The following SSBP3 variants were observed in gnomAD, a reference collection of about 807,000 sequenced individuals.
SSBP3 encodes single-stranded DNA-binding protein 3.
Under a neutral mutation model 69.6 loss-of-function variants are expected in SSBP3, and 5 were observed. That is an observed-to-expected ratio of 0.07 (90% CI 0.04 to 0.15). SSBP3 has a LOEUF of 0.15. Among genes scored for constraint, SSBP3 ranks in the 10% least tolerant of loss-of-function variants. SSBP3 has a pLI of 1.00. For synonymous variants in SSBP3, 196 were observed against 193.4 expected (o/e 1.01, Z -0.11); for missense variants, 312 against 534.0 (o/e 0.58, Z 4.10).
Position 54,404,539 on chromosome 1 carries a change from A to T in SSBP3, c.191+37T>A. 2 of 1,610,890 alleles carry T rather than the reference A, an allele frequency of 1.2e-6. 1 individual carries two copies. Among genetic ancestry groups the T allele is most frequent in the Non-Finnish European group, 1.7e-6 (2 of 1,178,632 alleles). ...TCACTTGGACCCAGGGCTCACAACA[A>T]AACAAACACACATGCAAAACTATCA... On this transcript the variant is annotated intron_variant, in intron 3 of 17. Transcript: ENST00000610401.
At chr1:54,265,817 G>A (rs949163478) in intron 5 of SSBP3, among the ~76,000 whole-genome samples, 1 of 152,204 alleles carries the variant, frequency 6.6e-6, no homozygotes. Flanking sequence ...GGCCCCAGCC[G>A]ACCTCCCTTC....
chr1:54,380,271 C>A (rs1380655409), intron 4 of SSBP3, among the ~76,000 whole-genome samples: 1 of 152,186 alleles, frequency 6.6e-6, no homozygotes, highest in Non-Finnish European at 1.5e-5. Context: ...CACACCCCCT[C>A]CTTTTTCCTT....
chr1:54,240,047 GGTGTGTGTGTGTGT>G (rs71066910), intron 13 of SSBP3, among the ~76,000 whole-genome samples: 14 of 77,810 alleles, frequency 1.8e-4, no homozygotes, highest in Middle Eastern at 5.9e-3. Flanking sequence ...ATTGTGATGG[GGTGTGTGTGTGTGT>G]GTGTGTGTGT....
At chr1:54,361,966 G>A (rs1638857529) in intron 4 of SSBP3, among the ~76,000 whole-genome samples, 1 of 152,172 alleles carries the variant, frequency 6.6e-6, no homozygotes, top group South Asian at 2.1e-4. Context: ...CCCAGAAAGA[G>A]ACTGGAGGCG....
intron 13 of SSBP3, among the ~76,000 whole-genome samples, chr1:54,239,602 A>C (rs1644568269): frequency 6.6e-6 from 1 of 152,212 alleles, no homozygotes; most frequent in Non-Finnish European, 1.5e-5. Context: ...AAACGTGGCA[A>C]ATTACCCAGA....
At chr1:54,305,757 T>G (rs2100223818) in intron 4 of SSBP3, among the ~76,000 whole-genome samples, 1 of 151,572 alleles carries the variant, frequency 6.6e-6, no homozygotes, top group East Asian at 1.9e-4. Flanking sequence ...TGCGTCCGGC[T>G]GAGTTTGGAT....
At chr1:54,394,440 C>A (rs1320833822) in intron 4 of SSBP3, among the ~76,000 whole-genome samples, 1 of 151,696 alleles carries the variant, frequency 6.6e-6, no homozygotes, top group Admixed American at 6.6e-5. Context: ...GATCATTCCA[C>A]ACAATTCTTT....
intron 4 of SSBP3, among the ~76,000 whole-genome samples, chr1:54,389,338 TA>T (rs1396150395): frequency 1.3e-5 from 2 of 152,152 alleles, no homozygotes; most frequent in African/African-American, 4.8e-5. Context: ...ACCTTTTCTT[TA>T]AGTCACATAG....
intron 4 of SSBP3, among the ~76,000 whole-genome samples, chr1:54,395,886 C>T (rs1455330208): frequency 6.6e-6 from 1 of 151,964 alleles, no homozygotes; most frequent in East Asian, 1.9e-4. Flanking sequence ...CTCACCTTGC[C>T]AAGGCTACAA....
chr1:54,262,518 G>T (rs976345127), intron 5 of SSBP3, among the ~76,000 whole-genome samples: 1 of 152,206 alleles, frequency 6.6e-6, no homozygotes, highest in Non-Finnish European at 1.5e-5. Context: ...GCCCCATGCT[G>T]GGGTCTGGAG....
At chr1:54,378,088 C>T (rs1224188334) in intron 4 of SSBP3, among the ~76,000 whole-genome samples, 1 of 152,158 alleles carries the variant, frequency 6.6e-6, no homozygotes, top group Non-Finnish European at 1.5e-5. Context: ...ACGTGCAGGC[C>T]ACACAACCCC....
intron 15 of SSBP3, 89 bp from the exon 16 acceptor site, chr1:54,228,566 C>A: frequency 6.4e-7 from 1 of 1,569,692 alleles, no homozygotes; most frequent in South Asian, 1.1e-5. Context: ...GGCCTCTAAG[C>A]CCTTCCATCC....
chr1:54,274,323 C>T (rs1341227453), intron 5 of SSBP3, among the ~76,000 whole-genome samples: 1 of 152,176 alleles, frequency 6.6e-6, no homozygotes, highest in Non-Finnish European at 1.5e-5. Flanking sequence ...AGGACTATCT[C>T]ATAGAATCAA....
chr1:54,231,361 T>C (rs1644376605), intron 14 of SSBP3, among the ~76,000 whole-genome samples: 1 of 152,260 alleles, frequency 6.6e-6, no homozygotes, highest in South Asian at 2.1e-4. Context: ...TTTAGATCCT[T>C]GTCCCATTTT....
At chr1:54,360,995 TG>T (rs891081386) in intron 4 of SSBP3, among the ~76,000 whole-genome samples, 4 of 148,236 alleles carry the variant, frequency 2.7e-5, no homozygotes, top group African/African-American at 1.0e-4. Flanking sequence ...GAGGCTGAGG[TG>T]GGAGGACTGC....
At chr1:54,299,191 G>A (rs1455261893) in intron 4 of SSBP3, among the ~76,000 whole-genome samples, 2 of 151,806 alleles carry the variant, frequency 1.3e-5, no homozygotes, top group Admixed American at 6.6e-5. Context: ...AAGGGGGCAC[G>A]CCTAGCCAAG....
At chr1:54,395,010 C>CTTT (rs772634375) in intron 4 of SSBP3, among the ~76,000 whole-genome samples, 1 of 144,916 alleles carries the variant, frequency 6.9e-6, no homozygotes, top group Admixed American at 6.9e-5. Context: ...GCTAAGACTC[C>CTTT]TTTTTTTTTT....
upstream of SSBP3, among the ~76,000 whole-genome samples, chr1:54,408,180 G>A (rs1462036350): frequency 6.6e-6 from 1 of 152,176 alleles, no homozygotes; most frequent in African/African-American, 2.4e-5. Flanking sequence ...GGAACGCTGA[G>A]ACCTAGTTTA....
chr1:54,356,170 TTAAC>T (rs1646859836), intron 4 of SSBP3, among the ~76,000 whole-genome samples: 1 of 152,134 alleles, frequency 6.6e-6, no homozygotes, highest in South Asian at 2.1e-4. Flanking sequence ...TTTTAACCCT[TTAAC>T]TAGCTCGGAG....
Sources: allele counts gnomAD v4.1 joint callset (sites outside exome capture counted in the v4.1 genomes callset), GRCh38; gene constraint gnomAD v4.1.1; transcripts MANE v1.5; gene names NCBI Gene and HGNC (gene_info 2026-07-23, HGNC 2026-07-21).